DEPDC5: variants seen among roughly 807,000 people sequenced by gnomAD.
DEPDC5 encodes the protein DEP domain containing 5, GATOR1 subcomplex subunit.
DEPDC5 carries 73 observed loss-of-function variants against 217.3 expected under a neutral mutation model. The observed-to-expected ratio is 0.34, with a 90% confidence interval of 0.28 to 0.41. The LOEUF (loss-of-function observed/expected upper bound fraction) is 0.41. DEPDC5 is among the 10% of genes least tolerant of loss of function. The probability of loss-of-function intolerance (pLI) is 1.00; values close to 1 mark genes in which losing one functional copy is unlikely to be tolerated. For synonymous variants in DEPDC5, 733 were observed against 756.7 expected (o/e 0.97, Z 0.51); for missense variants, 1,675 against 2,070.1 (o/e 0.81, Z 3.70).
At chr22:31,867,898 A>G (rs554459242) in intron 33 of DEPDC5, among the ~76,000 whole-genome samples, 1 of 152,238 alleles carries the variant, frequency 6.6e-6, no homozygotes, top group Non-Finnish European at 1.5e-5. Context: ...AGAGAACCCC[A>G]CTACAGGGGC....
At chr22:31,901,609 G>T in intron 40 of DEPDC5, 133 bp from the exon 41 acceptor site, 3 of 709,414 alleles carry the variant, frequency 4.2e-6, no homozygotes, top group Non-Finnish European at 7.3e-6. Flanking sequence ...CTCAAAGGGC[G>T]TAGTATGGAG....
At chr22:31,882,586 C>G (rs2093205859) in intron 38 of DEPDC5, among the ~76,000 whole-genome samples, 1 of 152,198 alleles carries the variant, frequency 6.6e-6, no homozygotes, top group Non-Finnish European at 1.5e-5. Flanking sequence ...AGTGTGTTTA[C>G]AGATCTCTTG....
intron 6 of DEPDC5, among the ~76,000 whole-genome samples, chr22:31,767,939 G>T (rs957670896): frequency 2.0e-5 from 3 of 150,256 alleles, no homozygotes; most frequent in African/African-American, 7.4e-5. Context: ...TAGAGACAGG[G>T]TTTCACCACG....
At chr22:31,836,302 G>T (rs73162162) in intron 25 of DEPDC5, among the ~76,000 whole-genome samples, 3,497 of 152,308 alleles carry the variant, frequency 0.023, 53 homozygotes, top group Middle Eastern at 0.048. Flanking sequence ...CTCTGTTGTT[G>T]CCGAGGCTGA....
In DEPDC5 at chr22:31,838,796, C is replaced by T; in HGVS notation, c.2466C>T (p.Pro822=). ...TAGTGCAGCCCAAGACACAGAAACCCAATCCTGCTGTCCCGCCCCCGCTGA... is the reference window on the plus strand; with the variant it reads ...TAGTGCAGCCCAAGACACAGAAACCTAATCCTGCTGTCCCGCCCCCGCTGA... ...QIIVQPKTQK[P]NPAVPPPLSS... is the part of the protein sequence containing the mutation. Residue 822 remains proline, a synonymous_variant, in exon 27 of 43, where the codon CCC becomes CCT. Transcript: ENST00000651528. 2 of 1,614,150 alleles carry T rather than the reference C, an allele frequency of 1.2e-6. No individual in the cohort carries two copies. Among genetic ancestry groups the T allele is most frequent in the Non-Finnish European group, 1.7e-6 (2 of 1,180,014 alleles).
At chr22:31,890,175 G>T (rs1642712100) in intron 38 of DEPDC5, among the ~76,000 whole-genome samples, 1 of 152,106 alleles carries the variant, frequency 6.6e-6, no homozygotes, top group African/African-American at 2.4e-5. Flanking sequence ...CATCTGGGCT[G>T]GCACATCTCA....
chr22:31,828,130 C>T (rs992258727), intron 24 of DEPDC5, among the ~76,000 whole-genome samples: 1 of 152,082 alleles, frequency 6.6e-6, no homozygotes. Flanking sequence ...TTTTGTTTTG[C>T]TCATGACTGT....
intron 5 of DEPDC5, among the ~76,000 whole-genome samples, chr22:31,766,363 A>G (rs1016811544): frequency 1.3e-5 from 2 of 152,208 alleles, no homozygotes; most frequent in Admixed American, 6.6e-5. Context: ...ATCACACTCA[A>G]TGTGCTACAG....
intron 30 of DEPDC5, among the ~76,000 whole-genome samples, chr22:31,845,763 GTGTA>G (rs1433728568): frequency 1.3e-5 from 2 of 151,356 alleles, no homozygotes; most frequent in Admixed American, 1.3e-4. Context: ...GTGTGTGTGT[GTGTA>G]TGTGTGTGTG....
Position 31,893,698 on chromosome 22 carries a change from T to C in DEPDC5, c.4150T>C (p.Phe1384Leu). ...TGGCAACTTTTCTCTGAATGCAGCC[T>C]TTGAGATCAAGCTGCACTGGATGGC... Reference protein sequence around the residue: ...YHGNFSLNAAFEIKLHWMAVT... With the variant: ...YHGNFSLNAALEIKLHWMAVT... Residue 1384 changes from phenylalanine (F) to leucine (L), a missense_variant, in exon 39 of 43, where the codon TTT becomes CTT. This residue lies in a region of DEPDC5 where 182 missense variants were observed against 290.1 expected (regional missense o/e 0.63). Transcript: ENST00000651528. 6.2e-7 allele frequency: 1 copy of C among 1,613,942 alleles called. No individual in the cohort carries two copies. The highest frequency in any genetic ancestry group is 8.5e-7 in the Non-Finnish European group (1 of 1,179,944).
Position 31,846,907 on chromosome 22 carries a change from C to T in DEPDC5, c.3095C>T (p.Pro1032Leu). ...STHSLESTAP[P>L]VGKKGTSALS... is the part of the protein sequence containing the mutation. The stretch of plus-strand genomic sequence containing the variant: ...CATTCTCTGGAGTCAACTGCACCCC[C>T]AGTGGGGAAGAAGGGAACCTCAGCT... The change falls in exon 31 of 43, where the codon CCA becomes CTA. Residue 1032 changes from proline (P) to leucine (L), a missense_variant. By Grantham distance (98) the Pro-to-Leu change is moderately conservative. Coordinates refer to ENST00000651528, the MANE Select transcript of DEPDC5 (RefSeq NM_001242896.3). 1 of 1,614,238 alleles carries T rather than the reference C, an allele frequency of 6.2e-7. No individual in the cohort carries two copies. Among genetic ancestry groups the T allele is most frequent in the Non-Finnish European group, 8.5e-7 (1 of 1,180,042 alleles).
In DEPDC5 at chr22:31,815,469, T is replaced by C. The variant is rs141175845; in HGVS notation, c.1666+257T>C. ...ATCACAGCTCACCTCAGTGCGGCCT[T>C]GAACTCCTGGACTCAATCGATCCTC... On this transcript the variant is annotated intron_variant, in intron 21 of 42. Transcript: ENST00000651528. The C allele has an allele frequency of 1.6e-3, 1,101 of 682,442 alleles. 12 individuals carry two copies. The African/African-American group carries it at 0.016, about 10-fold the overall frequency. The allele number at this position is 682,442 out of a possible 1,614,324, so 42.3% of individuals were successfully genotyped here. A position where few individuals can be genotyped will look rare whatever the true frequency, so the allele number is the denominator to read the frequency against.
At chr22:31,773,913 A>T (rs2083579820) in intron 7 of DEPDC5, among the ~76,000 whole-genome samples, 1 of 152,042 alleles carries the variant, frequency 6.6e-6, no homozygotes, top group Non-Finnish European at 1.5e-5. Flanking sequence ...CTCTACTAAA[A>T]ATACAAAATT....
At chr22:31,800,412 C>T (rs946667360) in intron 14 of DEPDC5, among the ~76,000 whole-genome samples, 1 of 152,078 alleles carries the variant, frequency 6.6e-6, no homozygotes, top group Non-Finnish European at 1.5e-5. Flanking sequence ...CACCTACCCC[C>T]AAAATTAATT....
chr22:31,880,041 G>T (rs1602682635), intron 38 of DEPDC5: 1 of 408,378 alleles, frequency 2.4e-6, no homozygotes. Context: ...TTTCCCGAGG[G>T]TTCTGTAGGA....
At chr22:31,887,061 C>T (rs952368482) in intron 38 of DEPDC5, among the ~76,000 whole-genome samples, 6 of 142,662 alleles carry the variant, frequency 4.2e-5, no homozygotes, top group South Asian at 2.2e-4. Context: ...CCAGCCTGGA[C>T]GACAGGGCGA....
chr22:31,812,570 G>T (rs1445251537), intron 20 of DEPDC5, among the ~76,000 whole-genome samples: 3 of 127,370 alleles, frequency 2.4e-5, no homozygotes, highest in Admixed American at 7.8e-5. Context: ...GACTACAGGC[G>T]CCCACCACCA....
intron 30 of DEPDC5, 61 bp from the exon 31 acceptor site, chr22:31,846,773 T>C: frequency 1.9e-6 from 3 of 1,611,354 alleles, no homozygotes; most frequent in South Asian, 2.2e-5. Flanking sequence ...CCCTGGGGCA[T>C]GAGTGGCTTC....
rs1311921577 is a variant in DEPDC5, at chr22:31,768,999, G to A, written c.413+136G>A. The A allele has an allele frequency of 3.6e-5, 41 of 1,154,464 alleles. No individual in the cohort carries two copies. In the East Asian group the frequency reaches 8.9e-4, roughly 25 times the overall value. 71.5% of individuals were successfully genotyped at this position (1,154,464 alleles called of 1,614,324 possible). A position where few individuals can be genotyped will look rare whatever the true frequency, so the allele number is the denominator to read the frequency against. On this transcript the variant is annotated intron_variant, in intron 7 of 42. Coordinates refer to ENST00000651528, the MANE Select transcript of DEPDC5 (RefSeq NM_001242896.3). ...TTGTTGGCTGGCCACAGTGGCTCACGCCTGTAATCCTAGCACTTTGGGAGG... is the reference window on the plus strand; with the variant it reads ...TTGTTGGCTGGCCACAGTGGCTCACACCTGTAATCCTAGCACTTTGGGAGG...
Sources: gnomAD v4.1 joint callset for allele counts (sites outside exome capture counted in the v4.1 genomes callset) on GRCh38, gnomAD v4.1.1 for gene constraint, gnomAD v4.1.1 regional missense constraint, MANE v1.5 for transcripts, NCBI Gene and HGNC (gene_info 2026-07-23, HGNC 2026-07-21) for gene names.